The following CACUL1 variants were observed in gnomAD, a reference collection of about 807,000 sequenced individuals.
CACUL1 encodes the protein CDK2-associated and cullin domain-containing protein 1.
CACUL1 carries 13 observed loss-of-function variants against 45.2 expected under a neutral mutation model. The observed-to-expected ratio is 0.29, with a 90% CI of 0.19 to 0.46. CACUL1 has a LOEUF of 0.46. Among genes scored for constraint, CACUL1 ranks in the 20% least tolerant of loss-of-function variants. The pLI is 1.00. For missense variants in CACUL1, 421 were observed against 471.4 expected (o/e 0.89, Z 0.99); for synonymous variants, 197 against 174.2 (o/e 1.13, Z -1.03).
intron 3 of CACUL1, among the ~76,000 whole-genome samples, chr10:118,708,229 A>G (rs1845451953): frequency 6.6e-6 from 1 of 152,064 alleles, no homozygotes; most frequent in African/African-American, 2.4e-5. Flanking sequence ...TATTCTATAT[A>G]GAACCAAACT....
At position 118,683,796 on chromosome 10, in the gene CACUL1, A is replaced by T. The variant is rs1347207092; in HGVS notation, c.*2332T>A. On this transcript the variant is annotated 3_prime_UTR_variant, in exon 9 of 9. Transcript: ENST00000369151. ...AATCTTATTTCCTCTCATACTGCAA[A>T]CTCACTCAGAATTTTTTAGAATCCC... The T allele has an allele frequency of 6.6e-6, 1 of 152,152 alleles. No homozygotes were observed. Among genetic ancestry groups the T allele is most frequent in the African/African-American group, 2.4e-5 (1 of 41,430 alleles). The allele number at this position is 152,152 out of a possible 1,614,324, so 9.4% of individuals were successfully genotyped here.
intron 3 of CACUL1, among the ~76,000 whole-genome samples, chr10:118,710,429 A>G (rs1280755899): frequency 1.3e-5 from 2 of 152,008 alleles, no homozygotes; most frequent in Non-Finnish European, 2.9e-5. Flanking sequence ...CTTTTCACAA[A>G]CTTCTCAACG....
intron 1 of CACUL1, 64 bp downstream of exon 1, chr10:118,754,332 G>A: frequency 1.4e-6 from 2 of 1,437,754 alleles, no homozygotes; most frequent in Non-Finnish European, 1.8e-6. Flanking sequence ...CTCCAAGAGG[G>A]GGTGGATTCG....
At chr10:118,743,083 C>T (rs1371282484) in intron 1 of CACUL1, among the ~76,000 whole-genome samples, 4 of 151,980 alleles carry the variant, frequency 2.6e-5, no homozygotes, top group African/African-American at 9.7e-5. Context: ...GGAACTCTCA[C>T]TGATTTAAGA....
At chr10:118,709,947 C>T (rs1845468810) in intron 3 of CACUL1, among the ~76,000 whole-genome samples, 1 of 151,592 alleles carries the variant, frequency 6.6e-6, no homozygotes. Flanking sequence ...GCTCTGTCTT[C>T]CAGGCTGGAG....
At chr10:118,726,372 A>G in intron 3 of CACUL1, 1 of 1,262,236 alleles carries the variant, frequency 7.9e-7, no homozygotes, top group South Asian at 1.3e-5. Context: ...GCATTCAGCC[A>G]GAACACATCT....
At chr10:118,692,606 A>G (rs1845282868) in intron 6 of CACUL1, 1 of 152,238 alleles carries the variant, frequency 6.6e-6, no homozygotes, top group South Asian at 2.1e-4. Flanking sequence ...GTCCTCAATT[A>G]ACACTATTAC....
At chr10:118,749,446 C>A (rs1455686243) in intron 1 of CACUL1, among the ~76,000 whole-genome samples, 1 of 152,012 alleles carries the variant, frequency 6.6e-6, no homozygotes, top group African/African-American at 2.4e-5. Context: ...TTATAATGGA[C>A]AGAAAAGAAA....
chr10:118,713,176 A>C (rs1214431169), intron 3 of CACUL1, among the ~76,000 whole-genome samples: 1 of 152,234 alleles, frequency 6.6e-6, no homozygotes, highest in African/African-American at 2.4e-5. Context: ...CAGCGTGTGC[A>C]CAGCTGGCCA....
At chr10:118,711,532 G>A (rs955725100) in intron 3 of CACUL1, among the ~76,000 whole-genome samples, 2 of 152,002 alleles carry the variant, frequency 1.3e-5, no homozygotes, top group African/African-American at 4.8e-5. Context: ...ATGGTATTTC[G>A]GCATTCAAAG....
chr10:118,717,208 A>T (rs750271084), intron 3 of CACUL1, among the ~76,000 whole-genome samples: 3 of 152,212 alleles, frequency 2.0e-5, no homozygotes, highest in Non-Finnish European at 4.4e-5. Flanking sequence ...GCTCTACAGG[A>T]AGGAAGTCTG....
At position 118,682,507 on chromosome 10, in the gene CACUL1, C is replaced by G. The variant is rs1845163185; in HGVS notation, c.*3621G>C. 6.6e-6 allele frequency: 1 copy of G among 152,628 alleles called. No homozygotes were observed. The highest frequency in any genetic ancestry group is 1.5e-5 in the Non-Finnish European group (1 of 68,036). 9.5% of individuals were successfully genotyped at this position (152,628 alleles called of 1,614,324 possible). On this transcript the variant is annotated 3_prime_UTR_variant, in exon 9 of 9. Coordinates refer to ENST00000369151, the MANE Select transcript of CACUL1 (RefSeq NM_153810.5). ...CCAGGATTATTTAAATACTATAATA[C>G]AAGTGCTCCTGCTCACTTCTAACTG...
rs543310474 is a variant in CACUL1, at chr10:118,678,045, A to C, written c.*8083T>G. On this transcript the variant is annotated 3_prime_UTR_variant, in exon 9 of 9. Coordinates refer to ENST00000369151, the MANE Select transcript of CACUL1 (RefSeq NM_153810.5). ...AGTTGTCAGCAAGGAAATGGTATCT[A>C]TGCTTTTAATGTGCATTACCTGACG... is the stretch of plus-strand genomic sequence containing the variant. The C allele has an allele frequency of 5.9e-5, 9 of 152,232 alleles. No homozygotes were observed. Among genetic ancestry groups the C allele is most frequent in the African/African-American group, 1.9e-4 (8 of 41,462 alleles). The allele number at this position is 152,232 out of a possible 1,614,324, so 9.4% of individuals were successfully genotyped here. A position where few individuals can be genotyped will look rare whatever the true frequency, so the allele number is the denominator to read the frequency against.
intron 3 of CACUL1, among the ~76,000 whole-genome samples, chr10:118,708,340 A>G (rs1845452796): frequency 6.6e-6 from 1 of 151,712 alleles, no homozygotes; most frequent in African/African-American, 2.4e-5. Flanking sequence ...CCTTAAGCAC[A>G]GAAATATTCT....
chr10:118,747,536 C>CAAAAA (rs3061057), intron 1 of CACUL1, among the ~76,000 whole-genome samples: 6 of 77,934 alleles, frequency 7.7e-5, no homozygotes, highest in Admixed American at 1.5e-4. Flanking sequence ...TTTGGTAAAT[C>CAAAAA]AAAAAAAAAA....
At chr10:118,696,572 G>A (rs551034503) in intron 5 of CACUL1, among the ~76,000 whole-genome samples, 38 of 152,364 alleles carry the variant, frequency 2.5e-4, no homozygotes, top group Non-Finnish European at 5.1e-4. Flanking sequence ...GAACCTGGGA[G>A]GCGGAGGCTG....
At position 118,676,602 on chromosome 10, in the gene CACUL1, C is replaced by G. The variant is rs1331166028; in HGVS notation, c.*9526G>C. 1 of 152,078 alleles carries G rather than the reference C, an allele frequency of 6.6e-6. No homozygotes were observed. The highest frequency in any genetic ancestry group is 1.5e-5 in the Non-Finnish European group (1 of 68,018). The allele number at this position is 152,078 out of a possible 1,614,324, so 9.4% of individuals were successfully genotyped here. On this transcript the variant is annotated 3_prime_UTR_variant, in exon 9 of 9. Coordinates refer to ENST00000369151, the MANE Select transcript of CACUL1 (RefSeq NM_153810.5). Reference sequence around the variant, plus strand: ...CATGAAAATAAACTTACCTTAAGAACATTAAGTTGTTTTTATAAAGTGTTA... The same window carrying G: ...CATGAAAATAAACTTACCTTAAGAAGATTAAGTTGTTTTTATAAAGTGTTA...
intron 7 of CACUL1, 174 bp from the exon 8 acceptor site, chr10:118,686,815 T>C (rs567363345): frequency 2.9e-4 from 175 of 605,878 alleles, no homozygotes; most frequent in African/African-American, 2.8e-3. Flanking sequence ...TTTCTGCAGA[T>C]GGAAGAACAT....
At chr10:118,689,865 G>C (rs1004623265) in intron 7 of CACUL1, among the ~76,000 whole-genome samples, 2 of 152,118 alleles carry the variant, frequency 1.3e-5, no homozygotes, top group African/African-American at 4.8e-5. Context: ...TTTTCAGAAG[G>C]CTGTCTTTTT....
Sources: allele counts gnomAD v4.1 joint callset (sites outside exome capture counted in the v4.1 genomes callset), GRCh38; gene constraint gnomAD v4.1.1; transcripts MANE v1.5; gene names NCBI Gene and HGNC (gene_info 2026-07-23, HGNC 2026-07-21).